The following SIRPG variants were observed in gnomAD, a reference collection of about 807,000 sequenced individuals.
SIRPG encodes signal-regulatory protein gamma.
Under a neutral mutation model 35.7 loss-of-function variants are expected in SIRPG, and 38 were observed. The ratio of observed to expected loss-of-function variants is 1.06; its 90% confidence interval spans 0.82 to 1.40. SIRPG has a LOEUF of 1.40. SIRPG is among the 40% of genes most tolerant of loss of function. The probability of loss-of-function intolerance (pLI) is 0.00; values close to 1 mark genes in which losing one functional copy is unlikely to be tolerated. For synonymous variants in SIRPG, 215 were observed against 190.4 expected, an observed-to-expected ratio of 1.13 and a Z score of -1.06; for missense variants, 519 against 483.0, an observed-to-expected ratio of 1.07 and a Z score of -0.70.
chr20:1,686,213 C>T, the SIRPG span, among the ~76,000 whole-genome samples: 3 of 152,112 alleles, frequency 2.0e-5, no homozygotes, highest in African/African-American at 7.2e-5. Flanking sequence ...TCAGACAATG[C>T]CCAGTCCTTG....
chr20:1,643,134 A>G (rs2091867759), intron 2 of SIRPG, among the ~76,000 whole-genome samples: 2 of 152,148 alleles, frequency 1.3e-5, no homozygotes, highest in African/African-American at 4.8e-5. Context: ...AGGTTGGGGA[A>G]GTTCTCCTGG....
upstream of SIRPG, among the ~76,000 whole-genome samples, chr20:1,660,309 G>T (rs2091992758): frequency 6.6e-6 from 1 of 152,088 alleles, no homozygotes; most frequent in African/African-American, 2.4e-5. Flanking sequence ...ATTATGTAGG[G>T]GAAATTTCCT....
Position 1,635,473 on chromosome 20 carries a change from C to G in SIRPG, c.875G>C (p.Cys292Ser). The change falls in exon 4 of 6, where the codon TGC (cysteine) becomes TCC (serine). Residue 292 changes from cysteine (C) to serine (S), a missense_variant. Cys to Ser is a moderately radical substitution (Grantham distance 112, BLOSUM62 -1). Transcript: ENST00000303415. ...AAGGGTCGAGGCTGTTTCTCTCTGG[C>G]ACACGTTTCCATTCTCCGACCAGGT... ...QLTWSENGNV[C>S]QRETASTLTE... 6.2e-7 allele frequency: 1 copy of G among 1,614,134 alleles called. No individual in the cohort carries two copies. Among genetic ancestry groups the G allele is most frequent in the Non-Finnish European group, 8.5e-7 (1 of 1,179,982 alleles).
chr20:1,684,900 C>G, the SIRPG span, among the ~76,000 whole-genome samples: 4 of 152,208 alleles, frequency 2.6e-5, no homozygotes, highest in African/African-American at 7.2e-5. Context: ...TTACTAAGAA[C>G]TGTGTCTACC....
intron 2 of SIRPG, among the ~76,000 whole-genome samples, chr20:1,642,799 A>G (rs2091864068): frequency 2.0e-5 from 3 of 152,098 alleles, no homozygotes; most frequent in Admixed American, 2.0e-4. Context: ...GCTTGTTTGG[A>G]AAGGATTGTA....
chr20:1,639,209 A>G (rs1368935998), intron 2 of SIRPG, among the ~76,000 whole-genome samples: 2 of 152,096 alleles, frequency 1.3e-5, no homozygotes, highest in African/African-American at 4.8e-5. Context: ...GTCTTCCACA[A>G]TCGTTGAACT....
intron 5 of SIRPG, among the ~76,000 whole-genome samples, chr20:1,629,889 G>A (rs1035664414): frequency 1.3e-5 from 2 of 152,104 alleles, no homozygotes; most frequent in Non-Finnish European, 2.9e-5. Flanking sequence ...CTCAACATTA[G>A]TTTACAATGT....
intron 2 of SIRPG, 58 bp from the exon 3 acceptor site, chr20:1,636,563 G>A (rs1024734747): frequency 1.9e-6 from 3 of 1,552,256 alleles, no homozygotes; most frequent in African/African-American, 2.7e-5. Context: ...CACTAACGAT[G>A]AGTGTGTGAC....
the SIRPG span, among the ~76,000 whole-genome samples, chr20:1,674,266 G>A: frequency 4.0e-5 from 6 of 151,330 alleles, no homozygotes; most frequent in Admixed American, 6.6e-5. Context: ...AGCCAAGATC[G>A]AAAGCCACCA....
At chr20:1,676,618 G>C in the SIRPG span, 1 of 152,426 alleles carries the variant, frequency 6.6e-6, no homozygotes, top group Admixed American at 6.5e-5. Context: ...CTGGCTCTTC[G>C]GTCAGTGGTT....
chr20:1,646,507 G>C (rs1219902079), intron 2 of SIRPG: 5 of 152,246 alleles, frequency 3.3e-5, no homozygotes, highest in African/African-American at 1.2e-4. Flanking sequence ...ACAACATGGG[G>C]GGAGAGTCCT....
chr20:1,634,001 C>G (rs2091770874), intron 4 of SIRPG, among the ~76,000 whole-genome samples: 1 of 152,214 alleles, frequency 6.6e-6, no homozygotes, highest in Non-Finnish European at 1.5e-5. Flanking sequence ...ACAACATCCC[C>G]CATGACTTCC....
At chr20:1,659,951 A>G (rs569309823), upstream of SIRPG, among the ~76,000 whole-genome samples, 2 of 152,362 alleles carry the variant, frequency 1.3e-5, no homozygotes, top group Non-Finnish European at 2.9e-5. Flanking sequence ...CACTGCAGCT[A>G]ACAAATTCAA....
At chr20:1,670,722 A>G in the SIRPG span, among the ~76,000 whole-genome samples, 4 of 152,110 alleles carry the variant, frequency 2.6e-5, no homozygotes, top group East Asian at 7.7e-4. Flanking sequence ...CTACCATGGA[A>G]ATGATAGTAA....
chr20:1,667,144 G>T, the SIRPG span, among the ~76,000 whole-genome samples: 3 of 152,122 alleles, frequency 2.0e-5, no homozygotes, highest in Non-Finnish European at 4.4e-5. Flanking sequence ...TGATCCCCCT[G>T]CCTTGGCCTC....
the SIRPG span, among the ~76,000 whole-genome samples, chr20:1,665,601 T>C: frequency 1.6e-4 from 25 of 152,110 alleles, no homozygotes; most frequent in Non-Finnish European, 3.2e-4. Context: ...GGTGCCAGGC[T>C]CTCCTACTGG....
chr20:1,639,312 T>C (rs2091831630), intron 2 of SIRPG, among the ~76,000 whole-genome samples: 1 of 152,182 alleles, frequency 6.6e-6, no homozygotes, highest in African/African-American at 2.4e-5. Context: ...TAATCACCAT[T>C]CTGACTGGCA....
intron 4 of SIRPG, 164 bp from the exon 5 acceptor site, chr20:1,630,470 A>T (rs2091741332): frequency 1.7e-6 from 1 of 592,426 alleles, no homozygotes; most frequent in Non-Finnish European, 3.0e-6. Flanking sequence ...CAGAAGCCAC[A>T]GAAAGAGGCT....
chr20:1,682,910 A>T, the SIRPG span, among the ~76,000 whole-genome samples: 1 of 152,208 alleles, frequency 6.6e-6, no homozygotes, highest in Admixed American at 6.5e-5. Context: ...ATAGAAATGA[A>T]TGTGGGATTA....
Sources: gnomAD v4.1 joint callset for allele counts (sites outside exome capture counted in the v4.1 genomes callset) on GRCh38, gnomAD v4.1.1 for gene constraint, MANE v1.5 for transcripts, NCBI Gene and HGNC (gene_info 2026-07-23, HGNC 2026-07-21) for gene names.